BTG4: variants seen among roughly 807,000 people sequenced by gnomAD.
BTG4 encodes the protein protein BTG4.
In BTG4, 10 loss-of-function variants were observed where a neutral mutation model predicts 19.3. The observed-to-expected ratio is 0.52, with a 90% CI of 0.32 to 0.88. The LOEUF (loss-of-function observed/expected upper bound fraction) is 0.88, where lower values mean the gene tolerates loss of function less well. Among genes scored for constraint, BTG4 ranks in the 40% least tolerant of loss-of-function variants. The pLI is 0.04. For synonymous variants in BTG4, 91 were observed against 95.7 expected (o/e 0.95, Z 0.29); for missense variants, 238 against 281.9 (o/e 0.84, Z 1.11).
the BTG4 span, chr11:111,404,551 G>A: frequency 2.2e-6 from 1 of 455,784 alleles, no homozygotes; most frequent in Non-Finnish European, 4.4e-6. Flanking sequence ...CTTGACCCAA[G>A]TGCCCTCTGC....
At chr11:111,384,352 T>C in the BTG4 span, among the ~76,000 whole-genome samples, 16 of 151,916 alleles carry the variant, frequency 1.1e-4, no homozygotes, top group African/African-American at 3.6e-4. Flanking sequence ...AAAGGCCTCA[T>C]GGACAACAAT....
chr11:111,446,320 C>T, the BTG4 span, among the ~76,000 whole-genome samples: 1 of 152,146 alleles, frequency 6.6e-6, no homozygotes, highest in Non-Finnish European at 1.5e-5. Flanking sequence ...AAGTGGGGTT[C>T]ATTACAATGT....
At chr11:111,384,178 A>AT in the BTG4 span, among the ~76,000 whole-genome samples, 1 of 151,988 alleles carries the variant, frequency 6.6e-6, no homozygotes, top group Non-Finnish European at 1.5e-5. Flanking sequence ...CGGCAGTTTT[A>AT]TTTTTTCCCT....
the BTG4 span, among the ~76,000 whole-genome samples, chr11:111,403,254 T>C: frequency 6.2e-4 from 94 of 152,332 alleles, no homozygotes; most frequent in Non-Finnish European, 1.2e-3. Context: ...GAAATCTGCC[T>C]GTGAAGCCAA....
At chr11:111,498,860 A>C (rs1390633968) in intron 1 of BTG4, 58 bp from the exon 2 acceptor site, 1 of 1,224,222 alleles carries the variant, frequency 8.2e-7, no homozygotes, top group Non-Finnish European at 1.1e-6. Context: ...CTTATTATCA[A>C]TATTTAACTG....
At chr11:111,411,932 C>T in the BTG4 span, among the ~76,000 whole-genome samples, 1 of 152,216 alleles carries the variant, frequency 6.6e-6, no homozygotes. Context: ...TACATGAGAA[C>T]CCCAGAAGGT....
chr11:111,498,747 G>C lies in BTG4; in HGVS notation c.30C>G (p.Phe10Leu). The stretch of plus-strand genomic sequence containing the variant: ...GTTTTTTCACCAATCTTGTGACAAA[G>C]AAAACTGTTGTTGCAATTTCATCTC... MRDEIATTV[F>L]FVTRLVKKHD... Residue 10 changes from phenylalanine (F) to leucine (L), a missense_variant, in exon 2 of 5, where the codon TTC becomes TTG. Physicochemically the swap from Phe to Leu is conservative, Grantham distance 22 (BLOSUM62 0). Transcript: ENST00000692032. The C allele has an allele frequency of 1.2e-6, 2 of 1,611,928 alleles. No homozygotes were observed. Among genetic ancestry groups the C allele is most frequent in the Admixed American group, 1.7e-5 (1 of 59,592 alleles).
At chr11:111,447,603 A>G in the BTG4 span, among the ~76,000 whole-genome samples, 2 of 152,262 alleles carry the variant, frequency 1.3e-5, no homozygotes, top group East Asian at 3.9e-4. Flanking sequence ...CAGCTTCTCT[A>G]GGAAGGAAAA....
intron 5 of BTG4, among the ~76,000 whole-genome samples, chr11:111,478,864 G>A (rs927334412): frequency 1.6e-4 from 25 of 151,628 alleles, no homozygotes; most frequent in Non-Finnish European, 2.7e-4. Flanking sequence ...AGAGCACCAG[G>A]GGCATATGGT....
chr11:111,437,479 T>C, the BTG4 span, among the ~76,000 whole-genome samples: 12 of 152,172 alleles, frequency 7.9e-5, no homozygotes, highest in African/African-American at 2.7e-4. Flanking sequence ...TTGTTTCTCA[T>C]TCCCAAATCA....
chr11:111,495,153 C>A lies in BTG4; in HGVS notation c.672G>T (p.Trp224Cys), dbSNP rs1865641765. 1 of 1,576,882 alleles carries A rather than the reference C, an allele frequency of 6.3e-7. No homozygotes were observed. Among genetic ancestry groups the A allele is most frequent in the Admixed American group, 1.9e-5 (1 of 51,886 alleles). Residue 224 changes from tryptophan to cysteine, a missense_variant, in exon 5 of 5, where the codon TGG becomes TGT. By Grantham distance (215) the Trp-to-Cys change is radical (BLOSUM62 -2). Transcript: ENST00000692032. ...CGCTGCGTCATCGGTGTGTGTTGAC[C>A]CAGTGGTACCTGTCCAGCCGGTGCA... ...PAMHRLDRYHWVNTHR is the reference protein window; with the variant it reads ...PAMHRLDRYHCVNTHR
chr11:111,470,225 A>G (rs1308693811), intron 5 of BTG4, among the ~76,000 whole-genome samples: 1 of 152,142 alleles, frequency 6.6e-6, no homozygotes, highest in Admixed American at 6.5e-5. Context: ...CCTTCCAAAC[A>G]GGTGCACACC....
At chr11:111,403,798 T>C in the BTG4 span, among the ~76,000 whole-genome samples, 1 of 152,164 alleles carries the variant, frequency 6.6e-6, no homozygotes, top group South Asian at 2.1e-4. Flanking sequence ...ATTGATGATA[T>C]TGGTGATATT....
At chr11:111,424,773 T>C in the BTG4 span, among the ~76,000 whole-genome samples, 1 of 152,012 alleles carries the variant, frequency 6.6e-6, no homozygotes, top group Non-Finnish European at 1.5e-5. Context: ...GCCTGACCAA[T>C]ATGGTGAAAC....
At chr11:111,420,685 G>C in the BTG4 span, among the ~76,000 whole-genome samples, 2 of 152,164 alleles carry the variant, frequency 1.3e-5, no homozygotes, top group Non-Finnish European at 2.9e-5. Context: ...GAATGCCAGA[G>C]GGATTGCAGT....
intron 5 of BTG4, among the ~76,000 whole-genome samples, chr11:111,485,491 A>G (rs985116725): frequency 6.6e-6 from 1 of 152,228 alleles, no homozygotes; most frequent in Non-Finnish European, 1.5e-5. Context: ...ATTTTAAAAT[A>G]TGCTCCTAAC....
intron 5 of BTG4, among the ~76,000 whole-genome samples, chr11:111,482,838 A>G (rs1226381117): frequency 1.6e-5 from 1 of 63,348 alleles, no homozygotes; most frequent in East Asian, 4.1e-4. Flanking sequence ...AAAACTTTAG[A>G]AAAAAAAAAA....
chr11:111,422,366 T>C, the BTG4 span, among the ~76,000 whole-genome samples: 2 of 152,280 alleles, frequency 1.3e-5, no homozygotes, highest in East Asian at 3.9e-4. Flanking sequence ...CTCATGCTCA[T>C]GAGAAATGGC....
the BTG4 span, among the ~76,000 whole-genome samples, chr11:111,428,976 C>T: frequency 6.6e-6 from 1 of 152,238 alleles, no homozygotes; most frequent in East Asian, 1.9e-4. Flanking sequence ...ATGTTCCAAA[C>T]ATCGTTCTGA....
Sources: gnomAD v4.1 joint callset for allele counts (sites outside exome capture counted in the v4.1 genomes callset) on GRCh38, gnomAD v4.1.1 for gene constraint, MANE v1.5 for transcripts, NCBI Gene and HGNC (gene_info 2026-07-23, HGNC 2026-07-21) for gene names.